Variants in CDCA3 observed in about 807,000 individuals in gnomAD.
The protein encoded by CDCA3 is cell division cycle associated 3.
Under a neutral mutation model 29.1 loss-of-function variants are expected in CDCA3, and 16 were observed. The observed-to-expected ratio is 0.55, with a 90% confidence interval of 0.37 to 0.83. CDCA3 has a LOEUF of 0.83. Among genes scored for constraint, CDCA3 ranks in the 40% least tolerant of loss-of-function variants. CDCA3 has a pLI of 0.00. For missense variants in CDCA3, 291 were observed against 327.2 expected, an observed-to-expected ratio of 0.89 and a Z score of 0.85; for synonymous variants, 88 against 124.5, an observed-to-expected ratio of 0.71 and a Z score of 1.95.
rs1555125584 is a variant in CDCA3 at position 6,849,217 on chromosome 12, G to T, written c.652-19C>A. 4 of 1,613,750 alleles carry T rather than the reference G, an allele frequency of 2.5e-6. No homozygotes were observed. Among genetic ancestry groups the T allele is most frequent in the Non-Finnish European group, 3.4e-6 (4 of 1,179,730 alleles). On this transcript the variant is annotated intron_variant, in intron 5 of 5. Coordinates refer to ENST00000538862, the MANE Select transcript of CDCA3 (RefSeq NM_031299.7). This position sits in a 1 kb window ranked among gnomAD's most constrained non-coding sequence, Gnocchi z 5.2. ...GCTTACCCTGAAAACGGCAGTGTAT[G>T]AGTTGGGGGGAGTTGCTGTTCAGAA...
downstream of CDCA3, chr12:6,845,551 C>CTGA (rs782276800): frequency 6.7e-7 from 1 of 1,494,148 alleles, no homozygotes; most frequent in Non-Finnish European, 9.2e-7. Flanking sequence ...CTGCCCAGGT[C>CTGA]TGATCCCTGA....
chr12:6,850,813 C>T lies in CDCA3; in HGVS notation c.120+20G>A, dbSNP rs782479855. Reference sequence around the variant, plus strand: ...AAGAATTCAGACATTCTCTGCCTTTCCCACGCTGGCCCAGAGTACCTGGAT... The same window carrying T: ...AAGAATTCAGACATTCTCTGCCTTTTCCACGCTGGCCCAGAGTACCTGGAT... On this transcript the variant is annotated intron_variant, in intron 2 of 5. Transcript: ENST00000538862. This position sits in a 1 kb window ranked among gnomAD's most constrained non-coding sequence, Gnocchi z 4.7. 6.2e-7 allele frequency: 1 copy of T among 1,611,810 alleles called. No homozygotes were observed. The highest frequency in any genetic ancestry group is 8.5e-7 in the Non-Finnish European group (1 of 1,178,868).
rs782439674 is a variant in CDCA3, at chr12:6,849,171, T to G, written c.679A>C (p.Asn227His). 1 of 1,614,180 alleles carries G rather than the reference T, an allele frequency of 6.2e-7. No homozygotes were observed. The highest frequency in any genetic ancestry group is 8.5e-7 in the Non-Finnish European group (1 of 1,180,012). The change falls in exon 6 of 6, where the codon AAT becomes CAT. Residue 227 changes from asparagine (N) to histidine (H), a missense_variant. Coordinates refer to ENST00000538862, the MANE Select transcript of CDCA3 (RefSeq NM_031299.7). This position sits in a 1 kb window ranked among gnomAD's most constrained non-coding sequence, Gnocchi z 5.2. ...QGKRPSPLSENVSELKEGAIL... is the reference protein window; with the variant it reads ...QGKRPSPLSEHVSELKEGAIL... Reference sequence around the variant, plus strand: ...GCTCCTTCCTTTAGTTCACTAACATTTTCACTTAGGGGTGAAGGCCGCTTA... The same window carrying G: ...GCTCCTTCCTTTAGTTCACTAACATGTTCACTTAGGGGTGAAGGCCGCTTA...
At chr12:6,846,103 A>C, downstream of CDCA3, 1 of 374,714 alleles carries the variant, frequency 2.7e-6, no homozygotes, top group Non-Finnish European at 4.9e-6. Flanking sequence ...AGGGGCACCC[A>C]CTGAGAGGCA....
At position 6,850,559 on chromosome 12, in the gene CDCA3, T is replaced by TCCCCTGCTGGTAGGCCTGGCTGTGG; in HGVS notation, c.133_157dup (p.Glu53AlafsTer15). On this transcript the variant is annotated frameshift_variant, in exon 3 of 6. Coordinates refer to ENST00000538862, the MANE Select transcript of CDCA3 (RefSeq NM_031299.7). LOFTEE classifies it high-confidence loss of function. The surrounding 1 kb of genome is among the most constrained non-coding windows in gnomAD (Gnocchi z 4.7). ...GGCATGTTTAAGACCCTCCAGTTGC[T>TCCCCTGCTGGTAGGCCTGGCTGTGG]CCCCTGCTGGTAGGCCTGGCTGTGG... The TCCCCTGCTGGTAGGCCTGGCTGTGG allele has an allele frequency of 2.5e-6, 4 of 1,614,032 alleles. No homozygotes were observed. The highest frequency in any genetic ancestry group is 2.5e-6 in the Non-Finnish European group (3 of 1,179,996).
At position 6,849,990 on chromosome 12, in the gene CDCA3, GGT is replaced by G; in HGVS notation, c.251-134_251-133del. The G allele has an allele frequency of 1.2e-6, 1 of 866,226 alleles. No individual in the cohort carries two copies. The allele number at this position is 866,226 out of a possible 1,614,324, so 53.7% of individuals were successfully genotyped here. A position where few individuals can be genotyped will look rare whatever the true frequency, so the allele number is the denominator to read the frequency against. On this transcript the variant is annotated intron_variant, in intron 3 of 5. Coordinates refer to ENST00000538862, the MANE Select transcript of CDCA3 (RefSeq NM_031299.7). This position sits in a 1 kb window ranked among gnomAD's most constrained non-coding sequence, Gnocchi z 5.2. ...GGAAGAGAGAAATCAAGGAAATCAA[GGT>G]GAAAGGGAGCAATTTTTTTTTTTTT...
At chr12:6,846,831 G>A, downstream of CDCA3, 1 of 1,602,206 alleles carries the variant, frequency 6.2e-7, no homozygotes, top group Non-Finnish European at 8.5e-7. Flanking sequence ...AGCTGCCTGG[G>A]AGTCACAGCT....
rs1488704904 is a variant in CDCA3, at chr12:6,849,265, G to A, written c.651+58C>T. ...GAAGAGGGAAGATCTGGGTAAAAGG[G>A]TCTCCCACCCTCTACGTTGGATATC... is the stretch of plus-strand genomic sequence containing the variant. On this transcript the variant is annotated intron_variant, in intron 5 of 5. Transcript: ENST00000538862. This position sits in a 1 kb window ranked among gnomAD's most constrained non-coding sequence, Gnocchi z 5.2. 1 of 1,604,448 alleles carries A rather than the reference G, an allele frequency of 6.2e-7. No individual in the cohort carries two copies. Among genetic ancestry groups the A allele is most frequent in the African/African-American group, 1.3e-5 (1 of 74,656 alleles).
chr12:6,849,498 C>T lies in CDCA3; in HGVS notation c.544+67G>A. ...TTACAGTTTATTCCTCCCACACTCA[C>T]CCATGGACCTTATCCCAAAACATTA... On this transcript the variant is annotated intron_variant, in intron 4 of 5. Transcript: ENST00000538862. The surrounding 1 kb of genome is among the most constrained non-coding windows in gnomAD (Gnocchi z 5.2). 7.7e-6 allele frequency: 12 copies of T among 1,564,012 alleles called. No homozygotes were observed. Among genetic ancestry groups the T allele is most frequent in the Non-Finnish European group, 1.0e-5 (12 of 1,152,586 alleles).
At chr12:6,848,706 G>A (rs1299051321), downstream of CDCA3, 2 of 297,604 alleles carry the variant, frequency 6.7e-6, no homozygotes, top group Non-Finnish European at 1.3e-5. Context: ...GAGCCATAGG[G>A]ACACCATGGT....
chr12:6,850,691 T>A lies in CDCA3; in HGVS notation c.121-95A>T. 6.3e-7 allele frequency: 1 copy of A among 1,595,182 alleles called. No homozygotes were observed. Among genetic ancestry groups the A allele is most frequent in the Non-Finnish European group, 8.6e-7 (1 of 1,166,714 alleles). ...AAGGAATTGCCAAGGCCCTCAGATA[T>A]CCAGCCTACCCCACACAGATTGAGA... On this transcript the variant is annotated intron_variant, in intron 2 of 5. Transcript: ENST00000538862. This position sits in a 1 kb window ranked among gnomAD's most constrained non-coding sequence, Gnocchi z 4.7.
In CDCA3 at chr12:6,850,518, G is replaced by A. The variant is rs565223479; in HGVS notation, c.199C>T (p.Arg67Cys). ...CGTGCAATACCAAGAGTAGGAGAGCGGGGATCTGAGTCCTGGGCATGTTTA... is the reference window on the plus strand; with the variant it reads ...CGTGCAATACCAAGAGTAGGAGAGCAGGGATCTGAGTCCTGGGCATGTTTA... ...GLKHAQDSDPRSPTLGIARTP... is the reference protein window; with the variant it reads ...GLKHAQDSDPCSPTLGIARTP... Residue 67 changes from arginine to cysteine, a missense_variant, in exon 3 of 6, where the codon CGC (arginine) becomes TGC (cysteine). Transcript: ENST00000538862. The surrounding 1 kb of genome is among the most constrained non-coding windows in gnomAD (Gnocchi z 4.7). 2.4e-5 allele frequency: 39 copies of A among 1,613,942 alleles called. No homozygotes were observed. Among genetic ancestry groups the A allele is most frequent in the Non-Finnish European group, 3.1e-5 (36 of 1,180,028 alleles).
rs782645027 is a variant in CDCA3 at position 6,850,918 on chromosome 12, G to C, written c.35C>G (p.Ala12Gly). ...ATGCTTGTTGTGCGGCGGAGGCCGC[G>C]CTGGTGTGACTGGGACGCTCTTGGC... ...GSAKSVPVTP[A>G]RPPPHNKHLA... Residue 12 changes from alanine (A) to glycine (G), a missense_variant, in exon 2 of 6, where the codon GCG (alanine) becomes GGG (glycine). Coordinates refer to ENST00000538862, the MANE Select transcript of CDCA3 (RefSeq NM_031299.7). This position sits in a 1 kb window ranked among gnomAD's most constrained non-coding sequence, Gnocchi z 4.7. The C allele has an allele frequency of 2.4e-5, 39 of 1,612,464 alleles. No homozygotes were observed. The African/African-American group carries it at 4.9e-4, about 20-fold the overall frequency.
downstream of CDCA3, chr12:6,848,716 T>C (rs1943753296): frequency 3.2e-6 from 1 of 316,006 alleles, no homozygotes; most frequent in Non-Finnish European, 5.9e-6. Flanking sequence ...GACACCATGG[T>C]TAAAGGGAGA....
downstream of CDCA3, chr12:6,846,003 T>C: frequency 1.7e-6 from 1 of 582,814 alleles, no homozygotes. Flanking sequence ...CTAAGCAGCC[T>C]CTCTCCACTG....
At chr12:6,846,867 C>A (rs1555124868), downstream of CDCA3, 8 of 1,596,260 alleles carry the variant, frequency 5.0e-6, no homozygotes, top group Admixed American at 1.7e-5. Context: ...GCCACAGGTT[C>A]CTGGGACAGC....
At chr12:6,845,440 CT>C (rs1943667603), downstream of CDCA3, 1 of 629,126 alleles carries the variant, frequency 1.6e-6, no homozygotes, top group Admixed American at 2.4e-5. Flanking sequence ...GGCAGGGCTG[CT>C]TCTCACCCCA....
At chr12:6,845,869 C>G, downstream of CDCA3, 2 of 1,059,958 alleles carry the variant, frequency 1.9e-6, no homozygotes, top group Non-Finnish European at 1.4e-6. Flanking sequence ...CCTCCCCATT[C>G]TGTACCCCCC....
downstream of CDCA3, chr12:6,845,476 G>A (rs1555124410): frequency 4.3e-6 from 3 of 704,208 alleles, no homozygotes; most frequent in Non-Finnish European, 7.4e-6. Flanking sequence ...CAGGCAGGGA[G>A]GCTGAGAGCA....
Sources: gnomAD v4.1 joint callset for allele counts on GRCh38, gnomAD v4.1.1 for gene constraint, Gnocchi (gnomAD v3.1) non-coding constraint, MANE v1.5 for transcripts, NCBI Gene and HGNC (gene_info 2026-07-23, HGNC 2026-07-21) for gene names.